CEP120: variants seen among roughly 807,000 people sequenced by gnomAD.
CEP120 encodes the protein centrosomal protein 120.
A neutral mutation model predicts 126.5 loss-of-function variants in CEP120; 113 were observed. The observed-to-expected ratio is 0.89, with a 90% CI of 0.77 to 1.04. The LOEUF is 1.04. CEP120 is among the 50% of genes least tolerant of loss of function. CEP120 has a pLI of 0.00. For synonymous variants in CEP120, 400 were observed against 394.3 expected (o/e 1.01, Z -0.17); for missense variants, 1,230 against 1,155.7 (o/e 1.06, Z -0.93).
In CEP120 at chr5:123,385,014, G is replaced by A; in HGVS notation, c.1700C>T (p.Ser567Phe). ...TTGACGCCAACACTGTTCACCATTA[G>A]AACCTAAAAAACGAGTTTTTTCTGA... ...LSSEKTRFLG[S>F]NGEQCWRQTY... is the part of the protein sequence containing the mutation. The change falls in exon 11 of 20, where the codon TCT becomes TTT. Residue 567 changes from serine (S) to phenylalanine (F), a missense_variant. By Grantham distance (155) the Ser-to-Phe change is radical. Transcript: ENST00000306467. The A allele has an allele frequency of 6.2e-7, 1 of 1,613,720 alleles. No individual in the cohort carries two copies. Among genetic ancestry groups the A allele is most frequent in the South Asian group, 1.1e-5 (1 of 91,062 alleles).
chr5:123,355,560 G>GT (rs1487405130), intron 18 of CEP120, among the ~76,000 whole-genome samples: 2 of 152,144 alleles, frequency 1.3e-5, no homozygotes, highest in African/African-American at 4.8e-5. Flanking sequence ...TTTTTCATGT[G>GT]TTTTTTGACT....
chr5:123,352,347 A>T (rs1294206162), intron 18 of CEP120, among the ~76,000 whole-genome samples: 1 of 150,778 alleles, frequency 6.6e-6, no homozygotes, highest in African/African-American at 2.5e-5. Flanking sequence ...TATTTAAGAC[A>T]TTTTTTTTGC....
At chr5:123,420,231 T>C (rs749982583) in intron 1 of CEP120, among the ~76,000 whole-genome samples, 19 of 152,336 alleles carry the variant, frequency 1.2e-4, no homozygotes, top group Non-Finnish European at 2.2e-4. Context: ...AAAGAACCTA[T>C]ATTTTCCATA....
In CEP120 at chr5:123,383,098, G is replaced by T; in HGVS notation, c.1764-16C>A. 1 of 1,310,140 alleles carries T rather than the reference G, an allele frequency of 7.6e-7. No individual in the cohort carries two copies. The highest frequency in any genetic ancestry group is 2.1e-5 in the Admixed American group (1 of 48,538). 81.2% of individuals were successfully genotyped at this position (1,310,140 alleles called of 1,614,324 possible). On this transcript the variant is annotated splice_polypyrimidine_tract_variant and intron_variant, in intron 11 of 19. Transcript: ENST00000306467. ...GTTATTTGATCTACAAATAAAATAAGAAATACCTTAAAATTCACAGAAATA... is the reference window on the plus strand; with the variant it reads ...GTTATTTGATCTACAAATAAAATAATAAATACCTTAAAATTCACAGAAATA...
At chr5:123,409,495 A>C (rs1773896681) in intron 4 of CEP120, among the ~76,000 whole-genome samples, 1 of 152,210 alleles carries the variant, frequency 6.6e-6, no homozygotes, top group African/African-American at 2.4e-5. Context: ...CAAGACAAGG[A>C]TGTCCCTTCT....
chr5:123,390,641 T>G (rs1265201875), intron 7 of CEP120, among the ~76,000 whole-genome samples: 1 of 152,168 alleles, frequency 6.6e-6, no homozygotes, highest in Admixed American at 6.5e-5. Flanking sequence ...TTTCTGGGAA[T>G]AGATACAATA....
Position 123,377,452 on chromosome 5 carries a change from C to T in CEP120, c.2280G>A (p.Glu760=), listed in dbSNP as rs768834662. Reference sequence around the variant, plus strand: ...CTAGTTCTACTTGGTGAATACAGTCCTCTTTGGCCCTACGGATAGAGTCCT... The same window carrying T: ...CTAGTTCTACTTGGTGAATACAGTCTTCTTTGGCCCTACGGATAGAGTCCT... ...ELQDSIRRAK[E]DCIHQVELER... Residue 760 remains glutamate, a synonymous_variant, in exon 16 of 20, where the codon GAG becomes GAA. Transcript: ENST00000306467. 1.2e-6 allele frequency: 2 copies of T among 1,611,694 alleles called. No homozygotes were observed. Among genetic ancestry groups the T allele is most frequent in the South Asian group, 2.2e-5 (2 of 90,656 alleles).
intron 18 of CEP120, 102 bp from the exon 19 acceptor site, chr5:123,350,191 T>C: frequency 9.6e-7 from 1 of 1,040,530 alleles, no homozygotes; most frequent in Non-Finnish European, 1.4e-6. Flanking sequence ...ACACCCATGA[T>C]ATAGCCACAC....
chr5:123,409,920 C>CA (rs1176991438), intron 4 of CEP120, among the ~76,000 whole-genome samples: 1 of 146,324 alleles, frequency 6.8e-6, no homozygotes, highest in African/African-American at 2.5e-5. Context: ...CGCACCACTG[C>CA]ACTCCAGCCT....
intron 18 of CEP120, among the ~76,000 whole-genome samples, chr5:123,353,902 CATTG>C: frequency 6.6e-6 from 1 of 152,020 alleles, no homozygotes; most frequent in East Asian, 1.9e-4. Context: ...CTTTTGGCTT[CATTG>C]ATTTTTCTTG....
intron 4 of CEP120, chr5:123,402,253 C>A (rs1289551642): frequency 1.8e-5 from 27 of 1,491,024 alleles, no homozygotes; most frequent in Admixed American, 1.4e-4. Context: ...CTGATGTGGG[C>A]ACCGGGCCCA....
At chr5:123,402,180 C>T (rs1773295876) in intron 4 of CEP120, 2 of 1,575,992 alleles carry the variant, frequency 1.3e-6, no homozygotes, top group South Asian at 2.3e-5. Context: ...GCTGGCCCCA[C>T]CACAGCCGCC....
chr5:123,401,324 T>G, intron 4 of CEP120: 1 of 1,603,720 alleles, frequency 6.2e-7, no homozygotes, highest in Non-Finnish European at 8.5e-7. Flanking sequence ...CTCTCCACAC[T>G]GCTCGGCATC....
At position 123,400,786 on chromosome 5, in the gene CEP120, C is replaced by G. The variant is rs188177504; in HGVS notation, c.464-1502G>C. On this transcript the variant is annotated intron_variant, in intron 4 of 19. Transcript: ENST00000306467. The stretch of plus-strand genomic sequence containing the variant: ...GGGGTCCCCAGGCAGTAAACTCCCC[C>G]GCGGGTGGACTGAGGCCTAGGGCTG... 809 of 701,480 alleles carry G rather than the reference C, an allele frequency of 1.2e-3. 4 individuals are homozygous for G. Among genetic ancestry groups the G allele is most frequent in the African/African-American group, 0.011 (645 of 57,148 alleles). 43.5% of individuals were successfully genotyped at this position (701,480 alleles called of 1,614,324 possible).
rs192632672 is a variant in CEP120, at chr5:123,387,695, A to C, written c.1430+737T>G. Among the ~76,000 whole-genome samples, 28 of 152,240 alleles carry C rather than the reference A, an allele frequency of 1.8e-4. No homozygotes were observed. The East Asian group carries it at 4.8e-3, about 26-fold the overall frequency. ...ACAATTTATTTCCTCAACTTTTGCA[A>C]ATGCTAATGCTTGTTCCCAAAAAAT... On this transcript the variant is annotated intron_variant, in intron 9 of 19. Transcript: ENST00000306467.
In CEP120 at chr5:123,423,068, CCGGGACCCCCGG is replaced by C. The variant is rs544733647; in HGVS notation, c.-82_-71del. 2 of 1,363,580 alleles carry C rather than the reference CCGGGACCCCCGG, an allele frequency of 1.5e-6. No individual in the cohort carries two copies. The highest frequency in any genetic ancestry group is 1.7e-5 in the Admixed American group (1 of 59,398). 84.5% of individuals were successfully genotyped at this position (1,363,580 alleles called of 1,614,324 possible). On this transcript the variant is annotated 5_prime_UTR_variant, in exon 1 of 20. Coordinates refer to ENST00000306467, the MANE Select transcript of CEP120 (RefSeq NM_001375405.1). ...GAGGTCCAGTTGAGTCGCGGGTAAT[CCGGGACCCCCGG>C]CGGGACCCCCACTGCCCGCCCCCGG...
chr5:123,418,175 G>A (rs140274300), intron 2 of CEP120, among the ~76,000 whole-genome samples, 184 bp downstream of exon 2: 1 of 151,956 alleles, frequency 6.6e-6, no homozygotes, highest in Non-Finnish European at 1.5e-5. Context: ...TGCGTATAAT[G>A]TAAAACAAAT....
At chr5:123,404,158 TTC>T (rs1175224871) in intron 4 of CEP120, among the ~76,000 whole-genome samples, 1 of 120,666 alleles carries the variant, frequency 8.3e-6, no homozygotes, top group Non-Finnish European at 1.8e-5. Flanking sequence ...GGGAAAAATA[TTC>T]TTCTTCATAT....
At chr5:123,390,781 C>T in intron 7 of CEP120, 1 of 220,274 alleles carries the variant, frequency 4.5e-6, no homozygotes, top group Non-Finnish European at 9.1e-6. Flanking sequence ...AAAAAGATAT[C>T]AGTAATGCAG....
Sources: allele counts gnomAD v4.1 joint callset (sites outside exome capture counted in the v4.1 genomes callset), GRCh38; gene constraint gnomAD v4.1.1; transcripts MANE v1.5; gene names NCBI Gene and HGNC (gene_info 2026-07-23, HGNC 2026-07-21).